ELMO1: variants seen among roughly 807,000 people sequenced by gnomAD.
ELMO1 encodes the protein engulfment and cell motility 1.
Under a neutral mutation model 98.9 loss-of-function variants are expected in ELMO1, and 26 were observed. The observed-to-expected ratio is 0.26, with a 90% CI of 0.19 to 0.36. ELMO1 has a LOEUF of 0.36. Ranked by LOEUF, ELMO1 falls within the 10% of genes least tolerant of loss-of-function variation. ELMO1 has a pLI of 1.00. For synonymous variants in ELMO1, 346 were observed against 346.0 expected (o/e 1.00, Z 0.00); for missense variants, 627 against 935.2 (o/e 0.67, Z 4.30).
At chr7:37,153,581 G>A (rs1447926432) in intron 13 of ELMO1, among the ~76,000 whole-genome samples, 1 of 152,176 alleles carries the variant, frequency 6.6e-6, no homozygotes, top group East Asian at 1.9e-4. Context: ...CTGGCAGGGG[G>A]AGGGGTGTCT....
intron 16 of ELMO1, among the ~76,000 whole-genome samples, chr7:36,925,757 G>A (rs1449933820): frequency 6.6e-6 from 1 of 152,180 alleles, no homozygotes; most frequent in African/African-American, 2.4e-5. Flanking sequence ...AGCTCAGCCT[G>A]GCTATTACCT....
rs1254505228 is a variant in ELMO1 at position 37,165,619 on chromosome 7, G to C, written c.1087-32385C>G. Among the ~76,000 whole-genome samples the C allele has an allele frequency of 3.9e-5, 6 of 151,980 alleles. No homozygotes were observed. The South Asian group carries it at 6.2e-4, about 16-fold the overall frequency. ...TCATGTGGTTTTTGTCTTTGGTTCT[G>C]TTTATATGCTGGATTACATTTATTG... On this transcript the variant is annotated intron_variant, in intron 13 of 21. Coordinates refer to ENST00000310758, the MANE Select transcript of ELMO1 (RefSeq NM_014800.11).
intron 13 of ELMO1, among the ~76,000 whole-genome samples, chr7:37,187,809 G>A (rs1175876943): frequency 2.0e-5 from 3 of 152,102 alleles, no homozygotes; most frequent in Non-Finnish European, 4.4e-5. Context: ...AAACTGTTAA[G>A]CACTTGAATT....
chr7:36,979,772 T>C lies in ELMO1; in HGVS notation c.1437+33527A>G, dbSNP rs542352878. Among the ~76,000 whole-genome samples the C allele has an allele frequency of 3.3e-5, 5 of 152,302 alleles. 1 individual carries two copies. Among genetic ancestry groups the C allele is most frequent in the African/African-American group, 7.2e-5 (3 of 41,564 alleles). On this transcript the variant is annotated intron_variant, in intron 16 of 21. Coordinates refer to ENST00000310758, the MANE Select transcript of ELMO1 (RefSeq NM_014800.11). Reference sequence around the variant, plus strand: ...CTCATTAGGCAAGGAGGGGGCTCCATCTCACCTGCTGGGACCTGTGGCCTA... The same window carrying C: ...CTCATTAGGCAAGGAGGGGGCTCCACCTCACCTGCTGGGACCTGTGGCCTA...
chr7:37,338,680 A>G (rs932269931), intron 2 of ELMO1, among the ~76,000 whole-genome samples: 1 of 152,202 alleles, frequency 6.6e-6, no homozygotes, highest in African/African-American at 2.4e-5. Context: ...TATTCAGGAC[A>G]TAATAGGTTA....
At chr7:36,995,002 C>A (rs1049664940) in intron 16 of ELMO1, among the ~76,000 whole-genome samples, 1 of 152,192 alleles carries the variant, frequency 6.6e-6, no homozygotes, top group Non-Finnish European at 1.5e-5. Flanking sequence ...GACACCACTG[C>A]TCAGACCACA....
At chr7:37,155,598 G>A (rs1788703966) in intron 13 of ELMO1, among the ~76,000 whole-genome samples, 1 of 151,700 alleles carries the variant, frequency 6.6e-6, no homozygotes, top group Non-Finnish European at 1.5e-5. Flanking sequence ...TAATGGTAAA[G>A]GGATCAATTC....
At chr7:36,980,518 C>CT (rs1219289143) in intron 16 of ELMO1, among the ~76,000 whole-genome samples, 1 of 152,196 alleles carries the variant, frequency 6.6e-6, no homozygotes, top group Non-Finnish European at 1.5e-5. Context: ...GGTTAAATAA[C>CT]TTGCAAAACT....
chr7:37,260,218 A>G (rs1267997705), intron 5 of ELMO1, among the ~76,000 whole-genome samples: 1 of 152,226 alleles, frequency 6.6e-6, no homozygotes, highest in Non-Finnish European at 1.5e-5. Context: ...AGTTAACTCA[A>G]AATCACTGTG....
chr7:36,939,226 T>TA (rs1786809603), intron 16 of ELMO1, among the ~76,000 whole-genome samples: 1 of 152,136 alleles, frequency 6.6e-6, no homozygotes, highest in Non-Finnish European at 1.5e-5. Context: ...CTTGGCCACT[T>TA]ACCGAAGACA....
intron 1 of ELMO1, among the ~76,000 whole-genome samples, chr7:37,443,757 T>C (rs969097219): frequency 6.6e-6 from 1 of 152,202 alleles, no homozygotes; most frequent in Non-Finnish European, 1.5e-5. Context: ...AGTGTGTGCA[T>C]TGTACATGCA....
At chr7:36,886,142 T>C (rs554869601) in intron 18 of ELMO1, among the ~76,000 whole-genome samples, 2 of 152,328 alleles carry the variant, frequency 1.3e-5, no homozygotes, top group Non-Finnish European at 2.9e-5. Flanking sequence ...AACTCATTCT[T>C]CAGTGGCTGA....
chr7:36,895,398 T>C (rs1272392868), intron 16 of ELMO1, among the ~76,000 whole-genome samples: 1 of 152,194 alleles, frequency 6.6e-6, no homozygotes. Flanking sequence ...TAATTATTTT[T>C]TTCCAGGAGA....
chr7:37,412,215 A>G (rs771584776), intron 1 of ELMO1, among the ~76,000 whole-genome samples: 20 of 152,222 alleles, frequency 1.3e-4, no homozygotes, highest in Non-Finnish European at 5.9e-5. Flanking sequence ...CTGAACTCCA[A>G]AAGAAAAAAA....
At chr7:36,986,612 A>G (rs925977567) in intron 16 of ELMO1, 2 of 152,298 alleles carry the variant, frequency 1.3e-5, no homozygotes, top group Middle Eastern at 3.4e-3. Flanking sequence ...ATTCGTGCAG[A>G]ACATCTGCTG....
intron 13 of ELMO1, among the ~76,000 whole-genome samples, chr7:37,155,001 C>A (rs1788635376): frequency 6.6e-6 from 1 of 152,144 alleles, no homozygotes; most frequent in Non-Finnish European, 1.5e-5. Context: ...AGAGTAGGGG[C>A]CAATATTCAA....
intron 1 of ELMO1, among the ~76,000 whole-genome samples, chr7:37,386,437 G>A (rs922536037): frequency 2.0e-5 from 3 of 151,916 alleles, no homozygotes; most frequent in African/African-American, 7.3e-5. Flanking sequence ...TGGACTCACT[G>A]CCCTTGTACA....
chr7:37,373,546 T>G (rs1419646843), intron 1 of ELMO1, among the ~76,000 whole-genome samples: 1 of 151,504 alleles, frequency 6.6e-6, no homozygotes, highest in Non-Finnish European at 1.5e-5. Flanking sequence ...GAGGTGGGGG[T>G]TGTGGTGAGC....
chr7:36,974,809 C>G (rs967818076), intron 16 of ELMO1, among the ~76,000 whole-genome samples: 2 of 152,124 alleles, frequency 1.3e-5, no homozygotes, highest in Non-Finnish European at 2.9e-5. Context: ...TAACACTCAC[C>G]GCGAAGGTCT....
Sources: allele counts gnomAD v4.1 joint callset (sites outside exome capture counted in the v4.1 genomes callset), GRCh38; gene constraint gnomAD v4.1.1; transcripts MANE v1.5; gene names NCBI Gene and HGNC (gene_info 2026-07-23, HGNC 2026-07-21).